Variants in ZMYM4 observed in about 807,000 individuals in gnomAD.
ZMYM4 encodes zinc finger MYM-type containing 4.
Under a neutral mutation model 183.2 loss-of-function variants are expected in ZMYM4, and 31 were observed. The observed-to-expected ratio is 0.17, with a 90% CI of 0.13 to 0.23. The LOEUF is 0.23. Among genes scored for constraint, ZMYM4 ranks in the 10% least tolerant of loss-of-function variants. ZMYM4 has a pLI of 1.00. For missense variants in ZMYM4, 1,273 were observed against 1,840.3 expected, an observed-to-expected ratio of 0.69 and a Z score of 5.64; for synonymous variants, 592 against 631.2, an observed-to-expected ratio of 0.94 and a Z score of 0.93.
At chr1:35,376,299 C>CT (rs1463677205) in intron 7 of ZMYM4, among the ~76,000 whole-genome samples, 3 of 152,144 alleles carry the variant, frequency 2.0e-5, no homozygotes, top group Non-Finnish European at 4.4e-5. Context: ...TAATTGGACT[C>CT]TAAGCATAGT....
chr1:35,418,711 T>C, intron 29 of ZMYM4, 139 bp downstream of exon 29: 3 of 1,036,614 alleles, frequency 2.9e-6, no homozygotes, highest in Non-Finnish European at 4.2e-6. Context: ...CCCATTGTCA[T>C]ATCTATGTGG....
chr1:35,402,897 C>T (rs982569965), intron 23 of ZMYM4, among the ~76,000 whole-genome samples: 6 of 152,098 alleles, frequency 3.9e-5, no homozygotes, highest in Admixed American at 1.3e-4. Context: ...CTAGTATCTT[C>T]AGTACAATGT....
In ZMYM4 at chr1:35,399,481, G is replaced by C; in HGVS notation, c.3434-1G>C. On this transcript the variant is annotated splice_acceptor_variant, in intron 22 of 29. Coordinates refer to ENST00000314607, the MANE Select transcript of ZMYM4 (RefSeq NM_005095.3). LOFTEE classifies it high-confidence loss of function. Reference sequence around the variant, plus strand: ...GTTGTCCTTTCTGCTGATTATTATAGACTCCTTTGACCCACTTAATAAAGG... The same window carrying C: ...GTTGTCCTTTCTGCTGATTATTATACACTCCTTTGACCCACTTAATAAAGG... 6.2e-7 allele frequency: 1 copy of C among 1,612,994 alleles called. No individual in the cohort carries two copies. The highest frequency in any genetic ancestry group is 8.5e-7 in the Non-Finnish European group (1 of 1,179,440).
At chr1:35,352,383 A>AGC (rs570675693) in intron 2 of ZMYM4, among the ~76,000 whole-genome samples, 5,577 of 104,656 alleles carry the variant, frequency 0.053, 633 homozygotes, top group East Asian at 0.52. Flanking sequence ...TTTAAAAATT[A>AGC]GCGCACACAC....
intron 2 of ZMYM4, among the ~76,000 whole-genome samples, chr1:35,343,825 C>T (rs1184871538): frequency 6.6e-6 from 1 of 151,322 alleles, no homozygotes; most frequent in African/African-American, 2.4e-5. Flanking sequence ...GATCACGCCA[C>T]TGCACTCCAG....
chr1:35,335,053 C>T (rs1299000783), intron 2 of ZMYM4, among the ~76,000 whole-genome samples: 1 of 152,098 alleles, frequency 6.6e-6, no homozygotes, highest in Admixed American at 6.5e-5. Flanking sequence ...GCTCTTGATG[C>T]CAATTTCCCA....
chr1:35,367,429 A>G (rs1410561980), intron 5 of ZMYM4, among the ~76,000 whole-genome samples: 2 of 151,818 alleles, frequency 1.3e-5, no homozygotes, highest in African/African-American at 4.8e-5. Context: ...GGGTTTCACC[A>G]TGTTGGCCAG....
At chr1:35,285,042 G>T (rs1045738953) in intron 1 of ZMYM4, among the ~76,000 whole-genome samples, 1 of 152,060 alleles carries the variant, frequency 6.6e-6, no homozygotes, top group Non-Finnish European at 1.5e-5. Flanking sequence ...TTGTCTATAT[G>T]CCTGTTCTTG....
At chr1:35,411,714 C>A (rs1639905479) in intron 26 of ZMYM4, among the ~76,000 whole-genome samples, 1 of 152,138 alleles carries the variant, frequency 6.6e-6, no homozygotes, top group African/African-American at 2.4e-5. Flanking sequence ...ATCATTAAAT[C>A]TTCTGATCTG....
At position 35,305,202 on chromosome 1, in the gene ZMYM4, C is replaced by T. The variant is rs551996892; in HGVS notation, c.40-20158C>T. ...ATTAGGTGTAGTGTTTCTATAAATA[C>T]CACTTGGGTCAAGTTGGTTGGTAGG... On this transcript the variant is annotated intron_variant, in intron 1 of 29. Coordinates refer to ENST00000314607, the MANE Select transcript of ZMYM4 (RefSeq NM_005095.3). 8.5e-5 allele frequency among the ~76,000 whole-genome samples: 13 copies of T among 152,270 alleles called. 2 individuals are homozygous for T. The highest frequency in any genetic ancestry group is 2.6e-4 in the African/African-American group (11 of 41,564).
intron 26 of ZMYM4, among the ~76,000 whole-genome samples, chr1:35,408,400 G>A (rs1415084545): frequency 2.0e-5 from 3 of 152,182 alleles, no homozygotes; most frequent in Non-Finnish European, 2.9e-5. Flanking sequence ...GCTTGCTTCT[G>A]TATTTATTGA....
At chr1:35,295,579 C>T (rs1042947097) in intron 1 of ZMYM4, among the ~76,000 whole-genome samples, 2 of 152,206 alleles carry the variant, frequency 1.3e-5, no homozygotes, top group East Asian at 3.8e-4. Context: ...CACACCCAAG[C>T]TCTGACAACC....
chr1:35,336,357 C>G (rs1642974836), intron 2 of ZMYM4, among the ~76,000 whole-genome samples: 2 of 150,722 alleles, frequency 1.3e-5, no homozygotes, highest in East Asian at 2.0e-4. Flanking sequence ...GTTGAACATT[C>G]TGACACATGT....
intron 2 of ZMYM4, among the ~76,000 whole-genome samples, chr1:35,352,331 A>C (rs1404252114): frequency 1.3e-5 from 2 of 148,812 alleles, no homozygotes; most frequent in Admixed American, 6.7e-5. Flanking sequence ...AAAAACAAAA[A>C]CCAGACTGGG....
At chr1:35,361,811 C>T (rs1228642612) in intron 5 of ZMYM4, 22 bp downstream of exon 5, 2 of 1,589,394 alleles carry the variant, frequency 1.3e-6, no homozygotes, top group Non-Finnish European at 1.7e-6. Flanking sequence ...ACCTTTTTTC[C>T]CCCCTTCTTT....
At chr1:35,271,258 G>A (rs150727481) in intron 1 of ZMYM4, among the ~76,000 whole-genome samples, 1,833 of 151,976 alleles carry the variant, frequency 0.012, 44 homozygotes, top group African/African-American at 0.041. Flanking sequence ...ACATTGATGT[G>A]TGTTGACAAC....
chr1:35,286,774 T>TA (rs199677010), intron 1 of ZMYM4, among the ~76,000 whole-genome samples: 4 of 8,926 alleles, frequency 4.5e-4, no homozygotes, highest in African/African-American at 2.8e-3. Context: ...TTTAAATAAT[T>TA]TTTTTTTTTT....
intron 25 of ZMYM4, among the ~76,000 whole-genome samples, chr1:35,407,416 G>A (rs1222812479): frequency 5.9e-5 from 8 of 136,574 alleles, no homozygotes; most frequent in Middle Eastern, 3.9e-3. Context: ...CAATAAAAGC[G>A]AAATTCCATC....
At position 35,389,992 on chromosome 1, in the gene ZMYM4, G is replaced by A. The variant is rs1355725013; in HGVS notation, c.2481G>A (p.Glu827=). The change falls in exon 15 of 30, where the codon GAG becomes GAA. Residue 827 remains glutamate, a synonymous_variant. Coordinates refer to ENST00000314607, the MANE Select transcript of ZMYM4 (RefSeq NM_005095.3). This position sits in a 1 kb window ranked among gnomAD's most constrained non-coding sequence, Gnocchi z 4.0. ...GTAAGCGACAGGGTAAACTCAGTGA[G>A]TCCTTGAAATGGCGAGGGGAAATGA... ...DACKRQGKLS[E]SLKWRGEMKH... is the part of the protein sequence containing the mutation. The A allele has an allele frequency of 3.1e-6, 5 of 1,613,730 alleles. No homozygotes were observed. The African/African-American group carries it at 4.0e-5, about 13-fold the overall frequency.
Sources: gnomAD v4.1 joint callset for allele counts (sites outside exome capture counted in the v4.1 genomes callset) on GRCh38, gnomAD v4.1.1 for gene constraint, Gnocchi (gnomAD v3.1) non-coding constraint, MANE v1.5 for transcripts, NCBI Gene and HGNC (gene_info 2026-07-23, HGNC 2026-07-21) for gene names.